The following FHIT variants were observed in gnomAD, a reference collection of about 807,000 sequenced individuals.
The protein encoded by FHIT is fragile histidine triad diadenosine triphosphatase, also known as bis(5'-adenosyl)-triphosphatase.
In FHIT, 19 loss-of-function variants were observed where a neutral mutation model predicts 17.9. That is an observed-to-expected ratio of 1.06 (90% CI 0.74 to 1.56). FHIT has a LOEUF of 1.56. Ranked by LOEUF, FHIT falls within the 40% of genes most tolerant of loss-of-function variation. The pLI, the probability that FHIT is intolerant of heterozygous loss-of-function variation, is 0.00. For synonymous variants in FHIT, 81 were observed against 69.7 expected, an observed-to-expected ratio of 1.16 and a Z score of -0.81; for missense variants, 248 against 189.2, an observed-to-expected ratio of 1.31 and a Z score of -1.82.
intron 5 of FHIT, among the ~76,000 whole-genome samples, chr3:60,050,654 C>T (rs934773863): frequency 6.6e-6 from 1 of 152,294 alleles, no homozygotes; most frequent in East Asian, 1.9e-4. Context: ...CTCACAGATT[C>T]TACTCTCTAT....
chr3:60,966,118 C>T (rs1553783283), intron 3 of FHIT, among the ~76,000 whole-genome samples: 3 of 152,146 alleles, frequency 2.0e-5, no homozygotes, highest in African/African-American at 7.2e-5. Context: ...CTTTGTTTAC[C>T]CACTCAAGCC....
chr3:60,036,525 G>A (rs1173786194), intron 5 of FHIT, among the ~76,000 whole-genome samples: 1 of 152,016 alleles, frequency 6.6e-6, no homozygotes, highest in African/African-American at 2.4e-5. Context: ...TACGTGGTAA[G>A]CAATAAAACT....
chr3:59,913,971 A>G (rs1559725397), intron 8 of FHIT, among the ~76,000 whole-genome samples: 1 of 152,220 alleles, frequency 6.6e-6, no homozygotes, highest in Non-Finnish European at 1.5e-5. Flanking sequence ...CAGTCTCCAC[A>G]AACAGCTGCT....
intron 3 of FHIT, among the ~76,000 whole-genome samples, chr3:60,927,777 C>T (rs1317418522): frequency 2.0e-5 from 3 of 152,214 alleles, no homozygotes; most frequent in Non-Finnish European, 4.4e-5. Flanking sequence ...TGAGGAGCCC[C>T]TCTGCCCGGC....
intron 4 of FHIT, among the ~76,000 whole-genome samples, chr3:60,554,817 T>G (rs1278274353): frequency 2.0e-5 from 3 of 152,324 alleles, no homozygotes; most frequent in Non-Finnish European, 4.4e-5. Flanking sequence ...GAGAAATTAT[T>G]CCACCATTTT....
chr3:60,330,103 A>G (rs1709892714), intron 5 of FHIT, among the ~76,000 whole-genome samples: 2 of 152,196 alleles, frequency 1.3e-5, no homozygotes, highest in Admixed American at 6.5e-5. Context: ...GGAATCTGGC[A>G]ATAAAATATT....
chr3:59,785,280 C>T (rs1412824114), intron 8 of FHIT, among the ~76,000 whole-genome samples: 4 of 150,464 alleles, frequency 2.7e-5, no homozygotes, highest in African/African-American at 9.8e-5. Flanking sequence ...TCCAGTATAA[C>T]ATTCCAGAAG....
chr3:60,716,096 T>C (rs1363120954), intron 4 of FHIT, among the ~76,000 whole-genome samples: 2 of 151,934 alleles, frequency 1.3e-5, no homozygotes, highest in East Asian at 3.9e-4. Flanking sequence ...ACAAACAAAT[T>C]AGCCAGGTGT....
rs376262940 is a variant in FHIT at position 60,993,313 on chromosome 3, C to T, written c.-111+48734G>A. Among the ~76,000 whole-genome samples, 3 of 152,298 alleles carry T rather than the reference C, an allele frequency of 2.0e-5. No individual in the cohort carries two copies. In the East Asian group the frequency reaches 5.8e-4, roughly 29 times the overall value. ...GGGTATTACAAATCACAGTTACTAGCGCATCGAACAAGCTTTCATTCCGGA... is the reference window on the plus strand; with the variant it reads ...GGGTATTACAAATCACAGTTACTAGTGCATCGAACAAGCTTTCATTCCGGA... On this transcript the variant is annotated intron_variant, in intron 3 of 9. Transcript: ENST00000492590.
chr3:60,922,486 G>A (rs1397000549), intron 3 of FHIT, among the ~76,000 whole-genome samples: 2 of 152,176 alleles, frequency 1.3e-5, no homozygotes, highest in Non-Finnish European at 2.9e-5. Flanking sequence ...TTTGGGTAAA[G>A]ATATATGATG....
At chr3:60,869,086 C>T (rs1704285159) in intron 3 of FHIT, among the ~76,000 whole-genome samples, 1 of 152,082 alleles carries the variant, frequency 6.6e-6, no homozygotes, top group Non-Finnish European at 1.5e-5. Flanking sequence ...AAGATTCTGG[C>T]AACACAACAG....
chr3:60,929,442 T>C (rs1707831623), intron 3 of FHIT, among the ~76,000 whole-genome samples: 1 of 152,224 alleles, frequency 6.6e-6, no homozygotes, highest in South Asian at 2.1e-4. Flanking sequence ...GCAGATGACA[T>C]GATTGTGTAT....
At chr3:59,954,887 G>A (rs1356226238) in intron 7 of FHIT, among the ~76,000 whole-genome samples, 3 of 152,148 alleles carry the variant, frequency 2.0e-5, no homozygotes, top group Non-Finnish European at 4.4e-5. Context: ...ACTCAGAACT[G>A]TTCCAGAAGG....
intron 4 of FHIT, among the ~76,000 whole-genome samples, chr3:60,703,094 C>T (rs1553702639): frequency 6.6e-6 from 1 of 152,146 alleles, no homozygotes; most frequent in African/African-American, 2.4e-5. Flanking sequence ...GGCCCCTACC[C>T]AATGACTGTT....
chr3:59,979,626 G>C (rs528964236), intron 7 of FHIT, among the ~76,000 whole-genome samples: 1 of 152,052 alleles, frequency 6.6e-6, no homozygotes, highest in African/African-American at 2.4e-5. Context: ...CATTTAGAAC[G>C]TGTACGCTGT....
At chr3:60,435,129 C>A (rs931650225) in intron 5 of FHIT, among the ~76,000 whole-genome samples, 1 of 152,172 alleles carries the variant, frequency 6.6e-6, no homozygotes, top group African/African-American at 2.4e-5. Context: ...GCATGCACAG[C>A]CTTTTCTCTT....
At chr3:59,956,153 T>G (rs1008330456) in intron 7 of FHIT, among the ~76,000 whole-genome samples, 3 of 152,192 alleles carry the variant, frequency 2.0e-5, no homozygotes, top group African/African-American at 7.2e-5. Flanking sequence ...TCACATGTGT[T>G]GCTCAGGTCT....
intron 5 of FHIT, among the ~76,000 whole-genome samples, chr3:60,118,103 T>C (rs1705062322): frequency 6.6e-6 from 1 of 152,142 alleles, no homozygotes; most frequent in Admixed American, 6.5e-5. Context: ...TGTTATAATG[T>C]ATTTTGATAT....
intron 7 of FHIT, among the ~76,000 whole-genome samples, chr3:59,947,657 G>A (rs1407569843): frequency 6.6e-6 from 1 of 152,094 alleles, no homozygotes; most frequent in Admixed American, 6.6e-5. Flanking sequence ...TGGGGGGGCT[G>A]GTACCAGTCC....
Sources: gnomAD v4.1 joint callset for allele counts (sites outside exome capture counted in the v4.1 genomes callset) on GRCh38, gnomAD v4.1.1 for gene constraint, MANE v1.5 for transcripts, NCBI Gene and HGNC (gene_info 2026-07-23, HGNC 2026-07-21) for gene names.